UHRF1: variants seen among roughly 807,000 people sequenced by gnomAD.
UHRF1 encodes the protein E3 ubiquitin-protein ligase UHRF1.
In UHRF1, 9 loss-of-function variants were observed where a neutral mutation model predicts 96.5. The ratio of observed to expected loss-of-function variants is 0.09; its 90% confidence interval spans 0.06 to 0.16. The LOEUF (loss-of-function observed/expected upper bound fraction) is 0.16. UHRF1 is among the 10% of genes least tolerant of loss of function. UHRF1 has a pLI of 1.00. For missense variants in UHRF1, 626 were observed against 1,131.1 expected (o/e 0.55, Z 6.40); for synonymous variants, 455 against 469.9 (o/e 0.97, Z 0.41).
chr19:4,914,208 T>C (rs994046719), intron 2 of UHRF1, among the ~76,000 whole-genome samples: 5 of 152,132 alleles, frequency 3.3e-5, no homozygotes, highest in South Asian at 2.1e-4. Context: ...CCCACTTGCA[T>C]GGCTGGGAAA....
At chr19:4,912,188 TG>T (rs1384431608) in intron 2 of UHRF1, among the ~76,000 whole-genome samples, 1 of 152,116 alleles carries the variant, frequency 6.6e-6, no homozygotes, top group Non-Finnish European at 1.5e-5. Flanking sequence ...CTGGAGAACT[TG>T]GGGAGTTGAC....
At chr19:4,939,272 T>C (rs1334907362) in intron 5 of UHRF1, among the ~76,000 whole-genome samples, 1 of 150,178 alleles carries the variant, frequency 6.7e-6, no homozygotes, top group East Asian at 2.0e-4. Context: ...TCTGGCTAGA[T>C]TGGTCTCGAA....
chr19:4,909,215 G>A (rs1273312228), upstream of UHRF1: 3 of 488,504 alleles, frequency 6.1e-6, no homozygotes, highest in African/African-American at 4.1e-5. Context: ...CAGGGGGTCT[G>A]TACCCTGGGG....
intron 16 of UHRF1, among the ~76,000 whole-genome samples, chr19:4,959,814 C>T (rs1400735269): frequency 6.6e-6 from 1 of 151,038 alleles, no homozygotes; most frequent in African/African-American, 2.4e-5. Context: ...TTCAGGTGAT[C>T]CTCCCACTTC....
At chr19:4,905,511 T>G (rs2032049177), upstream of UHRF1, among the ~76,000 whole-genome samples, 1 of 151,350 alleles carries the variant, frequency 6.6e-6, no homozygotes, top group African/African-American at 2.4e-5. Context: ...ATTTTATTAT[T>G]TATTTATTTA....
At chr19:4,917,798 C>T (rs1313666064) in intron 2 of UHRF1, among the ~76,000 whole-genome samples, 2 of 151,762 alleles carry the variant, frequency 1.3e-5, no homozygotes, top group African/African-American at 2.4e-5. Flanking sequence ...GCTGGGACTA[C>T]AGGTGCCTGC....
chr19:4,910,383 C>CCGGGGTCCGCGGATCT (rs2032217205), intron 1 of UHRF1: 1 of 148,290 alleles, frequency 6.7e-6, no homozygotes. Context: ...CCGAGGGGTC[C>CCGGGGTCCGCGGATCT]CGGGGTCCGC....
At chr19:4,904,311 T>C (rs749811308) in intron 1 of UHRF1, among the ~76,000 whole-genome samples, 1 of 152,154 alleles carries the variant, frequency 6.6e-6, no homozygotes, top group Non-Finnish European at 1.5e-5. Flanking sequence ...CCCGAGTAGC[T>C]GGGACTACAG....
At chr19:4,924,659 G>A (rs1418668691) in intron 2 of UHRF1, among the ~76,000 whole-genome samples, 3 of 152,074 alleles carry the variant, frequency 2.0e-5, no homozygotes, top group South Asian at 2.1e-4. Context: ...CAGAAGGTAC[G>A]GAGTTCCTAT....
chr19:4,921,096 C>G (rs1050890384), intron 2 of UHRF1, among the ~76,000 whole-genome samples: 27 of 150,652 alleles, frequency 1.8e-4, no homozygotes, highest in African/African-American at 6.6e-4. Context: ...TGCACTCCAG[C>G]CTGGTGACAG....
At chr19:4,911,751 G>A (rs529411442) in intron 2 of UHRF1, among the ~76,000 whole-genome samples, 59 of 152,294 alleles carry the variant, frequency 3.9e-4, no homozygotes, top group Admixed American at 9.8e-4. Context: ...GTGCTACTTT[G>A]GTTGGTGTTT....
At chr19:4,909,346 G>A (rs1049414363), upstream of UHRF1, 1 of 592,298 alleles carries the variant, frequency 1.7e-6, no homozygotes, top group African/African-American at 2.0e-5. Context: ...TGGCCCACTA[G>A]GCGGAGGCGC....
intron 5 of UHRF1, among the ~76,000 whole-genome samples, chr19:4,933,287 T>C (rs1010167084): frequency 6.6e-6 from 1 of 152,078 alleles, no homozygotes; most frequent in East Asian, 1.9e-4. Context: ...TCGATCTCGG[T>C]TCACTGCAAG....
In UHRF1 at chr19:4,929,441, G is replaced by T. The variant is rs763760594; in HGVS notation, c.373G>T (p.Asp125Tyr). 1.5e-5 allele frequency: 24 copies of T among 1,613,816 alleles called. No homozygotes were observed. The East Asian group carries it at 5.3e-4, about 36-fold the overall frequency. Residue 125 changes from aspartate (D) to tyrosine (Y), a missense_variant, in exon 3 of 17, where the codon GAC (aspartate) becomes TAC (tyrosine). By Grantham distance (160) the Asp-to-Tyr change is radical. Coordinates refer to ENST00000650932, the MANE Select transcript of UHRF1 (RefSeq NM_001048201.3). The stretch of plus-strand genomic sequence containing the variant: ...GACTGACAGCAGGCCAGCCGATGAG[G>T]ACATGTGGGATGAGACGGAATTGGG... The part of the protein sequence containing the change: ...AETDSRPADE[D>Y]MWDETELGLY...
chr19:4,954,950 T>G lies in UHRF1; in HGVS notation c.2130+128T>G. The stretch of plus-strand genomic sequence containing the variant: ...CGCACTGAGTACATTCTTGTGGTTG[T>G]GCAACCATCACCACCATCACCACCT... On this transcript the variant is annotated intron_variant, in intron 15 of 16. Transcript: ENST00000650932. This position sits in a 1 kb window ranked among gnomAD's most constrained non-coding sequence, Gnocchi z 5.9. The G allele has an allele frequency of 8.2e-7, 1 of 1,214,090 alleles. No individual in the cohort carries two copies. Among genetic ancestry groups the G allele is most frequent in the Middle Eastern group, 2.0e-4 (1 of 5,044 alleles). 75.2% of individuals were successfully genotyped at this position (1,214,090 alleles called of 1,614,324 possible). A position where few individuals can be genotyped will look rare whatever the true frequency, so the allele number is the denominator to read the frequency against.
rs774217513 is a variant in UHRF1, at chr19:4,950,597, G to A, written c.1518-14G>A. 1.4e-5 allele frequency: 22 copies of A among 1,609,716 alleles called. No homozygotes were observed. Among genetic ancestry groups the A allele is most frequent in the Non-Finnish European group, 1.9e-5 (22 of 1,179,022 alleles). On this transcript the variant is annotated splice_polypyrimidine_tract_variant and intron_variant, in intron 11 of 16. Coordinates refer to ENST00000650932, the MANE Select transcript of UHRF1 (RefSeq NM_001048201.3). ...CCTCACCTATAATGCGTGGGGTCCT[G>A]ACTCTCCCTGCAGGGCGCTGGCTCT... is the stretch of plus-strand genomic sequence containing the variant.
At chr19:4,929,738 G>A (rs2032989865) in intron 3 of UHRF1, among the ~76,000 whole-genome samples, 1 of 152,206 alleles carries the variant, frequency 6.6e-6, no homozygotes, top group Non-Finnish European at 1.5e-5. Flanking sequence ...TGACGTTTCT[G>A]AACTTGCTGC....
At chr19:4,923,670 G>C (rs1260292617) in intron 2 of UHRF1, among the ~76,000 whole-genome samples, 1 of 152,224 alleles carries the variant, frequency 6.6e-6, no homozygotes, top group African/African-American at 2.4e-5. Context: ...TAGCTTGGGT[G>C]CTCACTGCGG....
intron 7 of UHRF1, among the ~76,000 whole-genome samples, chr19:4,943,513 G>A (rs1379975005): frequency 4.5e-5 from 6 of 133,474 alleles, no homozygotes; most frequent in South Asian, 2.6e-4. Flanking sequence ...TCCCCACATC[G>A]TAGAGATGGG....
Sources: allele counts gnomAD v4.1 joint callset (sites outside exome capture counted in the v4.1 genomes callset), GRCh38; gene constraint gnomAD v4.1.1; non-coding constraint Gnocchi (gnomAD v3.1); transcripts MANE v1.5; gene names NCBI Gene and HGNC (gene_info 2026-07-23, HGNC 2026-07-21).